Variants in SLC44A5 observed in about 807,000 individuals in gnomAD.
The protein encoded by SLC44A5 is choline transporter-like protein 5.
In SLC44A5, 57 loss-of-function variants were observed where a neutral mutation model predicts 101.8. That is an observed-to-expected ratio of 0.56 (90% CI 0.45 to 0.70). SLC44A5 has a LOEUF of 0.70. Among genes scored for constraint, SLC44A5 ranks in the 30% least tolerant of loss-of-function variants. SLC44A5 has a pLI of 0.00. For synonymous variants in SLC44A5, 281 were observed against 290.9 expected (o/e 0.97, Z 0.35); for missense variants, 737 against 853.1 (o/e 0.86, Z 1.70).
chr1:75,590,949 ATAGGCAG>A (rs1674318314), intron 1 of SLC44A5, among the ~76,000 whole-genome samples: 1 of 152,132 alleles, frequency 6.6e-6, no homozygotes, highest in Non-Finnish European at 1.5e-5. Context: ...TTGAGTGAAG[ATAGGCAG>A]TAGCCAGGGA....
chr1:75,216,490 A>G (rs76760881), intron 18 of SLC44A5, among the ~76,000 whole-genome samples: 3,714 of 152,008 alleles, frequency 0.024, 149 homozygotes, highest in African/African-American at 0.078. Flanking sequence ...ATATAAAATT[A>G]TATTTAAAAA....
At chr1:75,282,152 C>T (rs899476090) in intron 5 of SLC44A5, among the ~76,000 whole-genome samples, 6 of 152,156 alleles carry the variant, frequency 3.9e-5, no homozygotes, top group South Asian at 2.1e-4. Context: ...ACCAAGGGAG[C>T]CCACCTCTTG....
rs562242452 is a variant in SLC44A5, at chr1:75,318,986, T to G, written c.102-18301A>C. Among the ~76,000 whole-genome samples, 4 of 152,206 alleles carry G rather than the reference T, an allele frequency of 2.6e-5. No homozygotes were observed. The South Asian group carries it at 8.3e-4, about 32-fold the overall frequency. ...CTCCCCAGCTCATATTTTCAAGGCCTTTCTGGATCTGCAAATATGTAAATC... is the reference window on the plus strand; with the variant it reads ...CTCCCCAGCTCATATTTTCAAGGCCGTTCTGGATCTGCAAATATGTAAATC... On this transcript the variant is annotated intron_variant, in intron 4 of 23. Transcript: ENST00000370859.
intron 2 of SLC44A5, among the ~76,000 whole-genome samples, chr1:75,483,957 C>G (rs1668014676): frequency 1.3e-5 from 2 of 152,108 alleles, no homozygotes; most frequent in African/African-American, 4.8e-5. Flanking sequence ...CATGAGAACT[C>G]ACTCACTATC....
chr1:75,365,734 T>C (rs993535916), intron 3 of SLC44A5, among the ~76,000 whole-genome samples: 5 of 152,144 alleles, frequency 3.3e-5, no homozygotes, highest in African/African-American at 1.2e-4. Flanking sequence ...GTTCTTTTTA[T>C]TTGTAGTTTG....
intron 4 of SLC44A5, among the ~76,000 whole-genome samples, chr1:75,334,890 C>T (rs1427802405): frequency 6.6e-6 from 1 of 152,142 alleles, no homozygotes; most frequent in Non-Finnish European, 1.5e-5. Context: ...GGCACTCTTC[C>T]TTGGTGCTCC....
rs142462012 is a variant in SLC44A5 at position 75,249,951 on chromosome 1, G to A, written c.345+1259C>T. 3.3e-5 allele frequency among the ~76,000 whole-genome samples: 5 copies of A among 152,164 alleles called. No homozygotes were observed. In the East Asian group the frequency reaches 7.7e-4, roughly 24 times the overall value. ...GCTCAATTCCTTTCTCCTTGAATCT[G>A]GGTGTGACCTATCTTTTTTGTGGGA... On this transcript the variant is annotated intron_variant, in intron 7 of 23. Transcript: ENST00000370859.
intron 2 of SLC44A5, among the ~76,000 whole-genome samples, chr1:75,512,410 C>A (rs934276212): frequency 6.6e-6 from 1 of 152,194 alleles, no homozygotes; most frequent in Non-Finnish European, 1.5e-5. Flanking sequence ...TATGCCTTCA[C>A]CTCTGTAGAT....
intron 5 of SLC44A5, among the ~76,000 whole-genome samples, chr1:75,285,342 T>C (rs1652952421): frequency 1.3e-5 from 2 of 152,038 alleles, no homozygotes; most frequent in South Asian, 4.1e-4. Context: ...GTTGTAATTC[T>C]CCCATTTTGT....
At chr1:75,254,124 T>G (rs538519415) in intron 6 of SLC44A5, among the ~76,000 whole-genome samples, 1 of 151,966 alleles carries the variant, frequency 6.6e-6, no homozygotes, top group Non-Finnish European at 1.5e-5. Context: ...CTGCGACCTC[T>G]GCCTCCAGGG....
chr1:75,655,497 G>A, the SLC44A5 span, among the ~76,000 whole-genome samples: 1 of 152,144 alleles, frequency 6.6e-6, no homozygotes, highest in Non-Finnish European at 1.5e-5. Flanking sequence ...CCAGGCCATA[G>A]TAACTGTGGT....
At chr1:75,502,079 A>T (rs1668989683) in intron 2 of SLC44A5, among the ~76,000 whole-genome samples, 1 of 152,222 alleles carries the variant, frequency 6.6e-6, no homozygotes, top group Non-Finnish European at 1.5e-5. Context: ...AAATCAGCAC[A>T]TGGTACCCAG....
At chr1:75,431,285 C>G (rs1296680145) in intron 2 of SLC44A5, among the ~76,000 whole-genome samples, 1 of 152,118 alleles carries the variant, frequency 6.6e-6, no homozygotes, top group African/African-American at 2.4e-5. Flanking sequence ...ATTAAAGATT[C>G]TGATCACTTC....
chr1:75,248,610 G>A (rs192612208), intron 7 of SLC44A5, among the ~76,000 whole-genome samples: 2 of 152,230 alleles, frequency 1.3e-5, no homozygotes, highest in East Asian at 3.9e-4. Flanking sequence ...AAGAGATCTT[G>A]GAAGTTCCAG....
At chr1:75,263,302 C>A (rs1006283908) in intron 6 of SLC44A5, among the ~76,000 whole-genome samples, 2 of 152,074 alleles carry the variant, frequency 1.3e-5, no homozygotes, top group Admixed American at 6.5e-5. Context: ...CAAACAACAC[C>A]ATCAAAAAGT....
the SLC44A5 span, chr1:75,642,016 G>T: frequency 6.9e-7 from 1 of 1,454,412 alleles, no homozygotes; most frequent in Admixed American, 1.7e-5. Flanking sequence ...CATGGTGGAA[G>T]AAATGTTGAT....
intron 3 of SLC44A5, among the ~76,000 whole-genome samples, chr1:75,361,382 A>G (rs187345516): frequency 9.9e-5 from 15 of 152,058 alleles, no homozygotes; most frequent in Admixed American, 5.2e-4. Flanking sequence ...TTCTTATTTT[A>G]TCCCTGATCT....
chr1:75,282,554 G>C (rs1652691438), intron 5 of SLC44A5, among the ~76,000 whole-genome samples: 1 of 152,136 alleles, frequency 6.6e-6, no homozygotes, highest in Non-Finnish European at 1.5e-5. Flanking sequence ...GTCTGGTTCT[G>C]TGTTCCCACC....
At chr1:75,385,948 A>T (rs1166454074) in intron 3 of SLC44A5, among the ~76,000 whole-genome samples, 6 of 152,296 alleles carry the variant, frequency 3.9e-5, no homozygotes, top group Admixed American at 3.3e-4. Flanking sequence ...ACAGAACCAA[A>T]GACAAAAACC....
Sources: gnomAD v4.1 joint callset for allele counts (sites outside exome capture counted in the v4.1 genomes callset) on GRCh38, gnomAD v4.1.1 for gene constraint, MANE v1.5 for transcripts, NCBI Gene and HGNC (gene_info 2026-07-23, HGNC 2026-07-21) for gene names.